C1D: variants seen among roughly 807,000 people sequenced by gnomAD.
The protein encoded by C1D is nuclear nucleic acid-binding protein C1D.
Under a neutral mutation model 17.5 loss-of-function variants are expected in C1D, and 10 were observed. The observed-to-expected ratio is 0.57, with a 90% CI of 0.35 to 0.97. C1D has a LOEUF of 0.97. C1D is among the 50% of genes least tolerant of loss of function. C1D has a pLI of 0.01. For missense variants in C1D, 136 were observed against 160.1 expected, an observed-to-expected ratio of 0.85 and a Z score of 0.81; for synonymous variants, 49 against 54.0, an observed-to-expected ratio of 0.91 and a Z score of 0.40.
chr2:68,056,763 T>C (rs1480315455), intron 1 of C1D, among the ~76,000 whole-genome samples: 1 of 152,200 alleles, frequency 6.6e-6, no homozygotes, highest in Non-Finnish European at 1.5e-5. Flanking sequence ...AGATTAATAG[T>C]ACTAAAATGG....
intron 1 of C1D, among the ~76,000 whole-genome samples, chr2:68,051,273 C>T (rs1671273800): frequency 6.6e-6 from 1 of 152,162 alleles, no homozygotes; most frequent in African/African-American, 2.4e-5. Context: ...AAATCCAGCA[C>T]TTTGGGAGGC....
chr2:68,058,101 T>A (rs1365210754), intron 1 of C1D, among the ~76,000 whole-genome samples: 2 of 152,246 alleles, frequency 1.3e-5, no homozygotes, highest in Non-Finnish European at 2.9e-5. Context: ...GTTCCTTTAT[T>A]TATCCCTGAT....
chr2:68,042,955 A>G lies in C1D; in HGVS notation c.360T>C (p.Asn120=). 2.5e-6 allele frequency: 4 copies of G among 1,608,222 alleles called. No homozygotes were observed. The highest frequency in any genetic ancestry group is 2.5e-6 in the Non-Finnish European group (3 of 1,177,608). ...DRGAASRFVK[N]ALWEPKSKNA... is the part of the protein sequence containing the mutation. ...TTTTCGATTTTGGTTCCCAGAGGGC[A>G]TTTTTTACAAATCTTGAAGCTGCAC... Residue 120 remains asparagine (N), a synonymous_variant, in exon 5 of 5, where the codon AAT becomes AAC. Transcript: ENST00000410067.
In C1D at chr2:68,042,616, C is replaced by T. The variant is rs1234791102; in HGVS notation, c.*273G>A. On this transcript the variant is annotated 3_prime_UTR_variant, in exon 5 of 5. Coordinates refer to ENST00000410067, the MANE Select transcript of C1D (RefSeq NM_173177.3). ...TTTCACAGCTGCTTATAAAATGGTA[C>T]TTGCAAGACTGACCTATATAAAGAA... 1 of 193,168 alleles carries T rather than the reference C, an allele frequency of 5.2e-6. No individual in the cohort carries two copies. Among genetic ancestry groups the T allele is most frequent in the Non-Finnish European group, 1.1e-5 (1 of 92,518 alleles). The allele number at this position is 193,168 out of a possible 1,614,324, so 12.0% of individuals were successfully genotyped here.
At chr2:68,050,745 A>G (rs1273307482) in intron 1 of C1D, among the ~76,000 whole-genome samples, 2 of 152,168 alleles carry the variant, frequency 1.3e-5, no homozygotes, top group Admixed American at 1.3e-4. Context: ...GAAGACTCCA[A>G]CATTTGTTTC....
chr2:68,060,762 A>T (rs574714354), intron 1 of C1D, among the ~76,000 whole-genome samples: 1 of 152,298 alleles, frequency 6.6e-6, no homozygotes, highest in Admixed American at 6.5e-5. Flanking sequence ...AACCTAAGTC[A>T]GATCATGTCA....
intron 1 of C1D, chr2:68,053,161 G>A (rs575298718): frequency 8.4e-6 from 13 of 1,550,578 alleles, no homozygotes; most frequent in Admixed American, 7.8e-5. Flanking sequence ...GACAGACGGA[G>A]AGGGCATGAG....
chr2:68,060,711 A>G (rs1671603986), intron 1 of C1D, among the ~76,000 whole-genome samples: 1 of 151,546 alleles, frequency 6.6e-6, no homozygotes. Flanking sequence ...GAAACAAAAG[A>G]AAACAAAAGA....
chr2:68,046,120 T>C, intron 3 of C1D, 77 bp from the exon 4 acceptor site: 1 of 1,078,458 alleles, frequency 9.3e-7, no homozygotes. Flanking sequence ...AACTAGTTAT[T>C]CACAAAAAAG....
In C1D at chr2:68,043,009, G is replaced by A. The variant is rs772840575; in HGVS notation, c.306C>T (p.Asp102=). The change falls in exon 5 of 5, where the codon GAC becomes GAT. Residue 102 remains aspartate, a synonymous_variant. Coordinates refer to ENST00000410067, the MANE Select transcript of C1D (RefSeq NM_173177.3). The part of the protein sequence containing the change: ...VYMNRVKEIT[D]KKKAGKLDRG... ...TGTCCAGCTTGCCAGCCTTTTTCTT[G>A]TCTGTTATTTCCTTGACTCTGTTCA... The A allele has an allele frequency of 1.2e-6, 2 of 1,610,174 alleles. No individual in the cohort carries two copies. The highest frequency in any genetic ancestry group is 2.2e-5 in the East Asian group (1 of 44,814).
intron 4 of C1D, among the ~76,000 whole-genome samples, chr2:68,044,408 A>G (rs1435810466): frequency 6.6e-6 from 1 of 152,256 alleles, no homozygotes; most frequent in African/African-American, 2.4e-5. Flanking sequence ...TCTGTGATCA[A>G]TTAGTAACAT....
chr2:68,050,076 G>T (rs896794869), intron 1 of C1D, among the ~76,000 whole-genome samples: 1 of 152,136 alleles, frequency 6.6e-6, no homozygotes, highest in African/African-American at 2.4e-5. Context: ...CACTGAAAGT[G>T]GAATATAAAT....
chr2:68,062,415 T>C (rs965271505), intron 1 of C1D, among the ~76,000 whole-genome samples: 4 of 152,166 alleles, frequency 2.6e-5, no homozygotes, highest in African/African-American at 9.7e-5. Flanking sequence ...CAAGAAAAAC[T>C]GCTCTCTTGG....
chr2:68,061,914 A>C (rs1386106053), intron 1 of C1D, among the ~76,000 whole-genome samples: 1 of 152,184 alleles, frequency 6.6e-6, no homozygotes, highest in Non-Finnish European at 1.5e-5. Flanking sequence ...ATTTTGAAAA[A>C]CCGTTATTCA....
rs541476218 is a variant in C1D at position 68,047,025 on chromosome 2, C to A, written c.138+148G>T. ...GCTGGAGTTTTCTTTTGTTTTGTTT[C>A]CCCCCTAAAAATACCCAAACACTAA... is the stretch of plus-strand genomic sequence containing the variant. On this transcript the variant is annotated intron_variant, in intron 2 of 4. Transcript: ENST00000410067. 1.1e-3 allele frequency: 716 copies of A among 623,506 alleles called. 4 individuals are homozygous for A. In the African/African-American group the frequency reaches 0.013, roughly 11 times the overall value. The allele number at this position is 623,506 out of a possible 1,614,324, so 38.6% of individuals were successfully genotyped here.
intron 1 of C1D, among the ~76,000 whole-genome samples, chr2:68,051,595 G>T (rs1296115075): frequency 6.6e-6 from 1 of 152,046 alleles, no homozygotes; most frequent in Non-Finnish European, 1.5e-5. Context: ...CACCTTCTGT[G>T]ACTTCATCTC....
Position 68,048,273 on chromosome 2 carries a change from TA to T in C1D, c.-9-955del, listed in dbSNP as rs1422147346. 2.0e-5 allele frequency among the ~76,000 whole-genome samples: 3 copies of T among 152,092 alleles called. No individual in the cohort carries two copies. The South Asian group carries it at 6.2e-4, about 31-fold the overall frequency. ...CAAGCCATAGGTAACATCTCTAGAA[TA>T]AAAAAAATTTTTTTTGTATTAACAG... is the stretch of plus-strand genomic sequence containing the variant. On this transcript the variant is annotated intron_variant, in intron 1 of 4. Coordinates refer to ENST00000410067, the MANE Select transcript of C1D (RefSeq NM_173177.3).
intron 1 of C1D, among the ~76,000 whole-genome samples, chr2:68,058,608 G>A (rs1196972512): frequency 6.6e-6 from 1 of 152,182 alleles, no homozygotes; most frequent in Non-Finnish European, 1.5e-5. Context: ...AAATCGAATG[G>A]AGGAGGAACA....
At chr2:68,056,992 C>CCA (rs1490345601) in intron 1 of C1D, among the ~76,000 whole-genome samples, 2 of 152,136 alleles carry the variant, frequency 1.3e-5, no homozygotes, top group Non-Finnish European at 2.9e-5. Flanking sequence ...AACAGAACAA[C>CCA]CCACACATCC....
Sources: gnomAD v4.1 joint callset for allele counts (sites outside exome capture counted in the v4.1 genomes callset) on GRCh38, gnomAD v4.1.1 for gene constraint, MANE v1.5 for transcripts, NCBI Gene and HGNC (gene_info 2026-07-23, HGNC 2026-07-21) for gene names.